GPD2: variants seen among roughly 807,000 people sequenced by gnomAD.
GPD2 encodes glycerol-3-phosphate dehydrogenase 2, also known as glycerol-3-phosphate dehydrogenase, mitochondrial.
In GPD2, 54 loss-of-function variants were observed where a neutral mutation model predicts 82.4. The ratio of observed to expected loss-of-function variants is 0.66; its 90% CI spans 0.53 to 0.82. The LOEUF is 0.82. Among genes scored for constraint, GPD2 ranks in the 40% least tolerant of loss-of-function variants. The probability of loss-of-function intolerance (pLI) is 0.00; values close to 1 mark genes in which losing one functional copy is unlikely to be tolerated. For synonymous variants in GPD2, 288 were observed against 306.1 expected (o/e 0.94, Z 0.62); for missense variants, 748 against 896.2 (o/e 0.83, Z 2.11).
At chr2:156,491,728 A>G (rs550845273) in intron 2 of GPD2, among the ~76,000 whole-genome samples, 2 of 152,056 alleles carry the variant, frequency 1.3e-5, no homozygotes, top group Non-Finnish European at 1.5e-5. Context: ...GTTTACCTTT[A>G]TAAGACACTC....
At chr2:156,442,162 A>T (rs1023057889) in intron 1 of GPD2, among the ~76,000 whole-genome samples, 3 of 152,182 alleles carry the variant, frequency 2.0e-5, no homozygotes, top group Non-Finnish European at 4.4e-5. Flanking sequence ...GGGAAAAACA[A>T]ACCTGACAAG....
At chr2:156,546,335 G>C (rs1686533211) in intron 6 of GPD2, among the ~76,000 whole-genome samples, 1 of 152,136 alleles carries the variant, frequency 6.6e-6, no homozygotes, top group South Asian at 2.1e-4. Context: ...ACATTCCAAT[G>C]GCATGCAGTG....
At chr2:156,516,352 A>C (rs1040405850) in intron 6 of GPD2, among the ~76,000 whole-genome samples, 3 of 152,274 alleles carry the variant, frequency 2.0e-5, no homozygotes, top group Non-Finnish European at 2.9e-5. Context: ...TTTAAAGTGA[A>C]CAGAAATAAT....
intron 3 of GPD2, among the ~76,000 whole-genome samples, chr2:156,499,622 G>A (rs188083483): frequency 1.8e-4 from 27 of 152,132 alleles, no homozygotes; most frequent in Non-Finnish European, 2.2e-4. Flanking sequence ...AAATAGACAA[G>A]ATTGTATTTC....
At chr2:156,419,699 G>A in the GPD2 span, among the ~76,000 whole-genome samples, 1 of 152,154 alleles carries the variant, frequency 6.6e-6, no homozygotes, top group East Asian at 1.9e-4. Flanking sequence ...GGTTGAGTTT[G>A]CATTTACAAG....
chr2:156,580,601 T>C (rs1009089198), intron 16 of GPD2, among the ~76,000 whole-genome samples: 1 of 152,168 alleles, frequency 6.6e-6, no homozygotes, highest in Non-Finnish European at 1.5e-5. Flanking sequence ...GCTTGCACCA[T>C]GGCAATGATG....
At chr2:156,548,832 A>G (rs1167577530) in intron 6 of GPD2, among the ~76,000 whole-genome samples, 1 of 152,126 alleles carries the variant, frequency 6.6e-6, no homozygotes, top group African/African-American at 2.4e-5. Flanking sequence ...ATGTAGAGTA[A>G]TTCTTCCTGG....
chr2:156,532,800 A>C (rs943277558), intron 6 of GPD2, among the ~76,000 whole-genome samples: 3 of 152,172 alleles, frequency 2.0e-5, no homozygotes, highest in Non-Finnish European at 4.4e-5. Context: ...TAAATTCCCT[A>C]ATTTCCTCCT....
In GPD2 at chr2:156,474,949, A is replaced by G. The variant is rs112587392; in HGVS notation, c.-8-1149A>G. Among the ~76,000 whole-genome samples, 106 of 151,844 alleles carry G rather than the reference A, an allele frequency of 7.0e-4. 3 individuals are homozygous for G. The highest frequency in any genetic ancestry group is 6.8e-3 in the Middle Eastern group (2 of 292). ...GACCTTGTCTCTACAGAAAAAAAAA[A>G]AAGAAGAAGAAAGAAAGAAAAAAAA... On this transcript the variant is annotated intron_variant, in intron 1 of 16. Coordinates refer to ENST00000438166, the MANE Select transcript of GPD2 (RefSeq NM_000408.5).
intron 8 of GPD2, among the ~76,000 whole-genome samples, chr2:156,552,272 T>C (rs576983194): frequency 3.3e-5 from 5 of 152,346 alleles, no homozygotes; most frequent in African/African-American, 9.6e-5. Flanking sequence ...CTGCATAAGA[T>C]AATAGAAATG....
At chr2:156,458,722 G>C (rs903634938) in intron 1 of GPD2, among the ~76,000 whole-genome samples, 1 of 152,124 alleles carries the variant, frequency 6.6e-6, no homozygotes, top group Non-Finnish European at 1.5e-5. Flanking sequence ...ATGGGATTTG[G>C]TCAAATGTCA....
In GPD2 at chr2:156,534,428, T is replaced by C. The variant is rs180909845; in HGVS notation, c.662-15180T>C. On this transcript the variant is annotated intron_variant, in intron 6 of 16. Coordinates refer to ENST00000438166, the MANE Select transcript of GPD2 (RefSeq NM_000408.5). ...GCCTGTTCCCATTTAGGGCCATGGG[T>C]TTCCAGGCTTGAGGGTGGGGCCTTT... Among the ~76,000 whole-genome samples, 47 of 152,318 alleles carry C rather than the reference T, an allele frequency of 3.1e-4. No individual in the cohort carries two copies. In the East Asian group the frequency reaches 8.7e-3, roughly 28 times the overall value.
chr2:156,439,306 A>C (rs1490668411), intron 1 of GPD2, among the ~76,000 whole-genome samples: 2 of 151,946 alleles, frequency 1.3e-5, no homozygotes, highest in Admixed American at 1.3e-4. Context: ...GGCCAGGTGC[A>C]GTGGATCACA....
At chr2:156,547,922 A>G (rs1474081420) in intron 6 of GPD2, among the ~76,000 whole-genome samples, 1 of 152,214 alleles carries the variant, frequency 6.6e-6, no homozygotes, top group Non-Finnish European at 1.5e-5. Flanking sequence ...TCATTTACAC[A>G]TGGCTTTCCA....
At chr2:156,550,407 C>G (rs1273618879) in intron 7 of GPD2, among the ~76,000 whole-genome samples, 195 bp from the exon 8 acceptor site, 1 of 152,116 alleles carries the variant, frequency 6.6e-6, no homozygotes, top group Non-Finnish European at 1.5e-5. Context: ...TCTTCAATTC[C>G]GACTTGTTTT....
At chr2:156,453,029 A>C (rs1458833878) in intron 1 of GPD2, among the ~76,000 whole-genome samples, 6 of 152,296 alleles carry the variant, frequency 3.9e-5, no homozygotes, top group Non-Finnish European at 8.8e-5. Flanking sequence ...TCAAATGGCT[A>C]TTTTGAAACA....
At chr2:156,434,011 A>G (rs1688355207), upstream of GPD2, among the ~76,000 whole-genome samples, 1 of 152,216 alleles carries the variant, frequency 6.6e-6, no homozygotes, top group Non-Finnish European at 1.5e-5. Flanking sequence ...GAAAAAAATG[A>G]TAAAAATATT....
At chr2:156,486,699 T>G (rs911976133) in intron 2 of GPD2, among the ~76,000 whole-genome samples, 1 of 152,250 alleles carries the variant, frequency 6.6e-6, no homozygotes, top group Non-Finnish European at 1.5e-5. Flanking sequence ...TTTGCTTTAT[T>G]TGTTTTGTAA....
chr2:156,493,926 A>ATGTGTGTGTGTGTGTGTGTG lies in GPD2; in HGVS notation c.103-2104_103-2085dup, dbSNP rs542950582. Among the ~76,000 whole-genome samples the ATGTGTGTGTGTGTGTGTGTG allele has an allele frequency of 6.7e-4, 91 of 136,306 alleles. 1 individual carries two copies. The highest frequency in any genetic ancestry group is 2.3e-3 in the African/African-American group (86 of 37,162). The allele number at this position is 136,306 out of a possible 152,430, so 89.4% of individuals were successfully genotyped here. A position where few individuals can be genotyped will look rare whatever the true frequency, so the allele number is the denominator to read the frequency against. On this transcript the variant is annotated intron_variant, in intron 2 of 16. Transcript: ENST00000438166. Reference sequence around the variant, plus strand: ...TTCTATGTACTTGTTATATATATGTATGTGTGTGTGTGTGTGTGTGTGTGT... The same window carrying ATGTGTGTGTGTGTGTGTGTG: ...TTCTATGTACTTGTTATATATATGTATGTGTGTGTGTGTGTGTGTGTGTGTGTGTGTGTGTGTGTGTGTGT...
Sources: gnomAD v4.1 joint callset for allele counts (sites outside exome capture counted in the v4.1 genomes callset) on GRCh38, gnomAD v4.1.1 for gene constraint, MANE v1.5 for transcripts, NCBI Gene and HGNC (gene_info 2026-07-23, HGNC 2026-07-21) for gene names.